The following LRP1B variants were observed in gnomAD, a reference collection of about 807,000 sequenced individuals.
LRP1B encodes the protein low-density lipoprotein receptor-related protein 1B.
In LRP1B, 217 loss-of-function variants were observed where a neutral mutation model predicts 556.6. The ratio of observed to expected loss-of-function variants is 0.39; its 90% confidence interval spans 0.35 to 0.44. LRP1B has a LOEUF of 0.44. Ranked by LOEUF, LRP1B falls within the 20% of genes least tolerant of loss-of-function variation. The pLI is 1.00. For synonymous variants in LRP1B, 2,047 were observed against 1,865.8 expected (o/e 1.10, Z -2.50); for missense variants, 5,053 against 5,620.8 (o/e 0.90, Z 3.23).
chr2:140,801,055 T>C (rs1393979819), intron 32 of LRP1B, among the ~76,000 whole-genome samples: 2 of 152,188 alleles, frequency 1.3e-5, no homozygotes, highest in Non-Finnish European at 2.9e-5. Flanking sequence ...CAGGTGTTTG[T>C]GTGTGTGGCC....
At chr2:141,026,406 C>CAT (rs1338788023) in intron 11 of LRP1B, among the ~76,000 whole-genome samples, 2 of 151,996 alleles carry the variant, frequency 1.3e-5, no homozygotes, top group African/African-American at 2.4e-5. Context: ...GACAAGGTAT[C>CAT]ATATACATGC....
At chr2:141,024,717 G>A (rs1525595) in intron 11 of LRP1B, among the ~76,000 whole-genome samples, 73,204 of 151,782 alleles carry the variant, frequency 0.48, 19,163 homozygotes, top group Non-Finnish European at 0.58. Flanking sequence ...CAAGACTTGT[G>A]GATCAGATAT....
intron 35 of LRP1B, among the ~76,000 whole-genome samples, chr2:140,768,438 T>A (rs1054589496): frequency 6.6e-6 from 1 of 151,942 alleles, no homozygotes; most frequent in Non-Finnish European, 1.5e-5. Flanking sequence ...AAAACATTAA[T>A]TCAGAAAACA....
chr2:141,298,692 C>T (rs534669430), intron 3 of LRP1B, among the ~76,000 whole-genome samples: 6 of 152,144 alleles, frequency 3.9e-5, no homozygotes, highest in East Asian at 1.9e-4. Flanking sequence ...TGGTGGCTCA[C>T]GCCTGTAATA....
At chr2:141,163,028 C>T (rs1680104420) in intron 7 of LRP1B, among the ~76,000 whole-genome samples, 2 of 152,124 alleles carry the variant, frequency 1.3e-5, no homozygotes, top group South Asian at 4.1e-4. Flanking sequence ...TCCACAGATA[C>T]ATCACTGTGA....
At chr2:140,536,216 T>G (rs572762806) in intron 46 of LRP1B, among the ~76,000 whole-genome samples, 14 of 149,374 alleles carry the variant, frequency 9.4e-5, no homozygotes, top group Admixed American at 1.4e-4. Flanking sequence ...CACGGAGTGC[T>G]GTTATCCTAG....
chr2:140,836,758 A>T (rs567357207), intron 31 of LRP1B, among the ~76,000 whole-genome samples: 36 of 149,582 alleles, frequency 2.4e-4, no homozygotes, highest in African/African-American at 5.8e-4. Flanking sequence ...GGAAGTATTT[A>T]AAAAAAAAGT....
At chr2:142,011,578 C>G (rs1702960621) in intron 1 of LRP1B, among the ~76,000 whole-genome samples, 1 of 152,134 alleles carries the variant, frequency 6.6e-6, no homozygotes. Flanking sequence ...CCATAGGAGA[C>G]TGCATGCTTT....
rs576934488 is a variant in LRP1B, at chr2:141,584,297, G to T, written c.206-103764C>A. ...TTTTTCAACTACCATCTAGGAAAGA[G>T]CTGAGATGGAATGGTCAAGTGATTA... is the stretch of plus-strand genomic sequence containing the variant. On this transcript the variant is annotated intron_variant, in intron 2 of 90. Transcript: ENST00000389484. Among the ~76,000 whole-genome samples, 3 of 152,146 alleles carry T rather than the reference G, an allele frequency of 2.0e-5. No individual in the cohort carries two copies. In the South Asian group the frequency reaches 6.2e-4, roughly 32 times the overall value.
chr2:141,233,323 T>C (rs1427191583), intron 5 of LRP1B, among the ~76,000 whole-genome samples: 4 of 152,170 alleles, frequency 2.6e-5, no homozygotes, highest in Non-Finnish European at 4.4e-5. Context: ...TGATTCATGA[T>C]AGAAGAGAAA....
At chr2:141,945,192 G>T (rs891244468) in intron 1 of LRP1B, among the ~76,000 whole-genome samples, 1 of 151,480 alleles carries the variant, frequency 6.6e-6, no homozygotes, top group African/African-American at 2.4e-5. Context: ...TTTACATTAT[G>T]TCTTAAAGCT....
At chr2:140,769,790 T>A (rs1689244541) in intron 34 of LRP1B, among the ~76,000 whole-genome samples, 1 of 150,506 alleles carries the variant, frequency 6.6e-6, no homozygotes, top group African/African-American at 2.4e-5. Flanking sequence ...AAACCTGATT[T>A]AAGATAACTG....
At chr2:140,299,199 A>G (rs1035858002) in intron 83 of LRP1B, among the ~76,000 whole-genome samples, 28 of 152,122 alleles carry the variant, frequency 1.8e-4, no homozygotes, top group Admixed American at 1.8e-3. Context: ...TAGATTCTAC[A>G]TTGAAGAAGT....
At chr2:140,772,598 T>G (rs1399081996) in intron 33 of LRP1B, among the ~76,000 whole-genome samples, 1 of 152,124 alleles carries the variant, frequency 6.6e-6, no homozygotes, top group African/African-American at 2.4e-5. Flanking sequence ...GATGAGTCAC[T>G]GCCCCCAGCC....
chr2:141,735,528 A>T, intron 2 of LRP1B, among the ~76,000 whole-genome samples: 1 of 122,232 alleles, frequency 8.2e-6, no homozygotes, highest in African/African-American at 3.1e-5. Context: ...GGGGGGAGGG[A>T]TAGGCTGTTT....
At chr2:140,856,414 A>C (rs912092371) in intron 27 of LRP1B, among the ~76,000 whole-genome samples, 4 of 152,118 alleles carry the variant, frequency 2.6e-5, no homozygotes, top group African/African-American at 9.7e-5. Context: ...TTGCTGTCCT[A>C]TTTTCTAATT....
intron 11 of LRP1B, among the ~76,000 whole-genome samples, chr2:141,023,795 A>T (rs1024730317): frequency 1.3e-5 from 2 of 152,044 alleles, no homozygotes; most frequent in Admixed American, 6.6e-5. Flanking sequence ...CTGACTAAAA[A>T]TTATACCCAA....
chr2:142,103,137 T>G (rs2104972963), intron 1 of LRP1B, among the ~76,000 whole-genome samples: 1 of 152,072 alleles, frequency 6.6e-6, no homozygotes, highest in African/African-American at 2.4e-5. Context: ...ATTACATATT[T>G]TAGTATTTGA....
chr2:142,077,722 G>A (rs532638535), intron 1 of LRP1B, among the ~76,000 whole-genome samples: 68 of 152,102 alleles, frequency 4.5e-4, no homozygotes, highest in Non-Finnish European at 7.8e-4. Flanking sequence ...TCCTTGGTTC[G>A]CTGCAGGATT....
Sources: gnomAD v4.1 joint callset for allele counts (sites outside exome capture counted in the v4.1 genomes callset) on GRCh38, gnomAD v4.1.1 for gene constraint, MANE v1.5 for transcripts, NCBI Gene and HGNC (gene_info 2026-07-23, HGNC 2026-07-21) for gene names.